USP22: variants seen among roughly 807,000 people sequenced by gnomAD.
USP22 encodes the protein ubiquitin specific peptidase 22, also known as ubiquitin carboxyl-terminal hydrolase 22.
A neutral mutation model predicts 68.1 loss-of-function variants in USP22; 22 were observed. The ratio of observed to expected loss-of-function variants is 0.32; its 90% CI spans 0.23 to 0.46. The LOEUF is 0.46. Ranked by LOEUF, USP22 falls within the 20% of genes least tolerant of loss-of-function variation. The pLI, the probability that USP22 is intolerant of heterozygous loss-of-function variation, is 1.00. For synonymous variants in USP22, 279 were observed against 274.2 expected (o/e 1.02, Z -0.17); for missense variants, 433 against 695.8 (o/e 0.62, Z 4.25).
At chr17:21,040,724 G>A (rs1320324985) in intron 1 of USP22, among the ~76,000 whole-genome samples, 1 of 152,216 alleles carries the variant, frequency 6.6e-6, no homozygotes, top group African/African-American at 2.4e-5. Flanking sequence ...GAGAGGGAGG[G>A]AGGGAACGGA....
chr17:21,006,885 A>G lies in USP22; in HGVS notation c.1322+11T>C, dbSNP rs1567789919. 2 of 1,593,816 alleles carry G rather than the reference A, an allele frequency of 1.3e-6. No individual in the cohort carries two copies. The highest frequency in any genetic ancestry group is 2.3e-5 in the South Asian group (2 of 87,918). On this transcript the variant is annotated intron_variant, in intron 10 of 12. Coordinates refer to ENST00000261497, the MANE Select transcript of USP22 (RefSeq NM_015276.2). The stretch of plus-strand genomic sequence containing the variant: ...CCTCAGGACACAGAACGGGCCTACA[A>G]CCCCACATACCTGGAGGCCATGAAA...
chr17:21,017,674 C>G (rs1972105663), intron 5 of USP22, among the ~76,000 whole-genome samples: 1 of 152,182 alleles, frequency 6.6e-6, no homozygotes, highest in Admixed American at 6.5e-5. Context: ...TCTTTAGAGA[C>G]AAATGTCACC....
At chr17:21,030,111 C>A (rs1424018446) in intron 1 of USP22, among the ~76,000 whole-genome samples, 2 of 152,178 alleles carry the variant, frequency 1.3e-5, no homozygotes, top group Non-Finnish European at 2.9e-5. Context: ...TCCATGGATA[C>A]TCAAGTCCCT....
chr17:21,034,214 G>A (rs1158742475), intron 1 of USP22, among the ~76,000 whole-genome samples: 3 of 152,066 alleles, frequency 2.0e-5, no homozygotes, highest in Non-Finnish European at 4.4e-5. Flanking sequence ...AGGGTACAGC[G>A]ACTCCAGACC....
intron 1 of USP22, among the ~76,000 whole-genome samples, chr17:21,039,006 C>T (rs1459881480): frequency 6.6e-6 from 1 of 151,906 alleles, no homozygotes; most frequent in Admixed American, 6.5e-5. Flanking sequence ...GGCTGGAGTG[C>T]AGTGGTGCGA....
Position 21,008,013 on chromosome 17 carries a change from A to C in USP22, c.1104-17T>G, listed in dbSNP as rs1422856401. The C allele has an allele frequency of 6.2e-7, 1 of 1,613,076 alleles. No homozygotes were observed. Among genetic ancestry groups the C allele is most frequent in the Middle Eastern group, 1.7e-4 (1 of 5,902 alleles). ...CTGGTGAATCTACAGGCGTTCAAAA[A>C]AGACAGGAGCGGTAAGGGAGATGCA... is the stretch of plus-strand genomic sequence containing the variant. On this transcript the variant is annotated splice_polypyrimidine_tract_variant and intron_variant, in intron 8 of 12. Coordinates refer to ENST00000261497, the MANE Select transcript of USP22 (RefSeq NM_015276.2).
At chr17:21,028,197 C>T (rs1461325162) in intron 2 of USP22, among the ~76,000 whole-genome samples, 2 of 152,162 alleles carry the variant, frequency 1.3e-5, no homozygotes, top group African/African-American at 4.8e-5. Context: ...CCTCATATTG[C>T]ATGGAGCTCT....
In USP22 at chr17:21,004,789, AATAGTGGAGCTGCGGGC is replaced by A; in HGVS notation, c.1385+122_1385+138del. The stretch of plus-strand genomic sequence containing the variant: ...TTTCCTAGTGGAGCTGCGGGCAGCC[AATAGTGGAGCTGCGGGC>A]AGCCAAGCGGGAAGCAGGTCAGTGG... On this transcript the variant is annotated intron_variant, in intron 11 of 12. Transcript: ENST00000261497. 3.2e-4 allele frequency: 28 copies of A among 88,076 alleles called. 2 individuals are homozygous for A. The highest frequency in any genetic ancestry group is 1.4e-3 in the South Asian group (3 of 2,098). 5.5% of individuals were successfully genotyped at this position (88,076 alleles called of 1,614,324 possible). A position where few individuals can be genotyped will look rare whatever the true frequency, so the allele number is the denominator to read the frequency against.
chr17:21,036,737 T>G (rs564844661), intron 1 of USP22, among the ~76,000 whole-genome samples: 1 of 152,310 alleles, frequency 6.6e-6, no homozygotes, highest in Non-Finnish European at 1.5e-5. Context: ...CATGAACTCA[T>G]GTAGAGCTTA....
intron 6 of USP22, among the ~76,000 whole-genome samples, chr17:21,014,157 T>C (rs535746419): frequency 2.6e-5 from 4 of 152,390 alleles, no homozygotes; most frequent in South Asian, 2.1e-4. Flanking sequence ...CAAGGCCATG[T>C]GGCCAGGCCA....
chr17:21,043,121 T>G (rs1174714042), upstream of USP22: 2 of 27,752 alleles, frequency 7.2e-5, no homozygotes, highest in East Asian at 3.9e-4. Context: ...GGAGATTACG[T>G]CACCCCCCCC....
intron 1 of USP22, among the ~76,000 whole-genome samples, chr17:21,032,098 C>T (rs1018517875): frequency 2.0e-5 from 3 of 152,192 alleles, no homozygotes; most frequent in African/African-American, 7.2e-5. Context: ...CTATGTTTAG[C>T]TATAGAAACA....
chr17:21,025,008 C>T (rs979346400), intron 2 of USP22, among the ~76,000 whole-genome samples: 12 of 152,090 alleles, frequency 7.9e-5, no homozygotes, highest in African/African-American at 2.9e-4. Flanking sequence ...GAATTAAAAA[C>T]GTCTGATCCT....
chr17:21,004,249 A>G lies in USP22; in HGVS notation c.1488T>C (p.Asp496=). 5 of 1,614,206 alleles carry G rather than the reference A, an allele frequency of 3.1e-6. No homozygotes were observed. The highest frequency in any genetic ancestry group is 4.2e-6 in the Non-Finnish European group (5 of 1,180,030). The change falls in exon 12 of 13, where the codon GAT becomes GAC. Residue 496 remains aspartate (D), a synonymous_variant. Transcript: ENST00000261497. ...QHKDQWFKCD[D]AIITKASIKD... ...TGATGCTGGCCTTGGTGATGATGGCATCGTCACACTTGAACCACTGGTCTT... is the reference window on the plus strand; with the variant it reads ...TGATGCTGGCCTTGGTGATGATGGCGTCGTCACACTTGAACCACTGGTCTT...
intron 2 of USP22, 34 bp downstream of exon 2, chr17:21,028,505 GCCA>G (rs1418420395): frequency 6.2e-7 from 1 of 1,606,894 alleles, no homozygotes; most frequent in East Asian, 2.2e-5. Context: ...CAATTTGGGG[GCCA>G]CAACTATCCC....
intron 6 of USP22, 141 bp downstream of exon 6, chr17:21,015,609 AAT>A: frequency 8.1e-7 from 1 of 1,227,520 alleles, no homozygotes; most frequent in Non-Finnish European, 1.1e-6. Flanking sequence ...TTCAGAAACA[AAT>A]GACGACAAGG....
At chr17:21,040,565 A>G (rs1972414460) in intron 1 of USP22, among the ~76,000 whole-genome samples, 1 of 152,232 alleles carries the variant, frequency 6.6e-6, no homozygotes, top group East Asian at 1.9e-4. Context: ...AGCAACTGAC[A>G]TCTGAAATTA....
chr17:21,015,107 CG>C lies in USP22; in HGVS notation c.838+644del, dbSNP rs112236081. On this transcript the variant is annotated intron_variant, in intron 6 of 12. Coordinates refer to ENST00000261497, the MANE Select transcript of USP22 (RefSeq NM_015276.2). ...TCCACCATGAGGAGTGGGGAGGAGC[CG>C]ATCTTGGCTCAAGTCATTCATTCCC... 5.4e-3 allele frequency among the ~76,000 whole-genome samples: 825 copies of C among 152,288 alleles called. 2 individuals are homozygous for C. Among genetic ancestry groups the C allele is most frequent in the Middle Eastern group, 0.02 (6 of 294 alleles).
chr17:21,007,116 G>A, intron 9 of USP22, 129 bp from the exon 10 acceptor site: 1 of 728,048 alleles, frequency 1.4e-6, no homozygotes, highest in Non-Finnish European at 2.2e-6. Context: ...CTGCCTTGTA[G>A]CTACATCTAG....
Sources: gnomAD v4.1 joint callset for allele counts (sites outside exome capture counted in the v4.1 genomes callset) on GRCh38, gnomAD v4.1.1 for gene constraint, MANE v1.5 for transcripts, NCBI Gene and HGNC (gene_info 2026-07-23, HGNC 2026-07-21) for gene names.